Variants in DOCK5 observed in about 807,000 individuals in gnomAD.
DOCK5 encodes the protein dedicator of cytokinesis 5, also known as dedicator of cytokinesis protein 5.
In DOCK5, 142 loss-of-function variants were observed where a neutral mutation model predicts 251.8. The observed-to-expected ratio is 0.56, with a 90% CI of 0.49 to 0.65. The LOEUF (loss-of-function observed/expected upper bound fraction) is 0.65. Ranked by LOEUF, DOCK5 falls within the 30% of genes least tolerant of loss-of-function variation. The probability of loss-of-function intolerance (pLI) is 0.00; values close to 1 mark genes in which losing one functional copy is unlikely to be tolerated. For synonymous variants in DOCK5, 842 were observed against 835.5 expected (o/e 1.01, Z -0.13); for missense variants, 2,111 against 2,312.3 (o/e 0.91, Z 1.79).
chr8:25,339,517 A>G (rs1404846628), intron 22 of DOCK5, among the ~76,000 whole-genome samples: 17 of 152,166 alleles, frequency 1.1e-4, no homozygotes, highest in Non-Finnish European at 1.5e-5. Flanking sequence ...TGGTGGAACC[A>G]GCAGGGAAGG....
intron 1 of DOCK5, among the ~76,000 whole-genome samples, chr8:25,243,265 G>A (rs1379228523): frequency 1.3e-5 from 2 of 151,940 alleles, no homozygotes; most frequent in Non-Finnish European, 2.9e-5. Flanking sequence ...TTTACAGTGG[G>A]CAATTCACAT....
intron 25 of DOCK5, among the ~76,000 whole-genome samples, chr8:25,344,990 T>A (rs1003492576): frequency 1.3e-5 from 2 of 152,182 alleles, no homozygotes; most frequent in African/African-American, 2.4e-5. Context: ...TCCACACGCC[T>A]GCACAGACAT....
intron 2 of DOCK5, among the ~76,000 whole-genome samples, chr8:25,245,091 CTG>C (rs1803063987): frequency 6.6e-6 from 1 of 152,232 alleles, no homozygotes; most frequent in Admixed American, 6.5e-5. Flanking sequence ...GAGTCTCGCT[CTG>C]TCGCCCAGGC....
intron 40 of DOCK5, among the ~76,000 whole-genome samples, chr8:25,385,685 C>G (rs1341843641): frequency 1.3e-5 from 2 of 152,024 alleles, no homozygotes; most frequent in Non-Finnish European, 2.9e-5. Flanking sequence ...GCTTATGTTC[C>G]AGCTTGGAGA....
intron 1 of DOCK5, among the ~76,000 whole-genome samples, chr8:25,225,883 G>C (rs1024901263): frequency 6.6e-6 from 1 of 152,150 alleles, no homozygotes; most frequent in Admixed American, 6.5e-5. Context: ...ACCAGGGGGT[G>C]GGAGTCTGGA....
At chr8:25,316,850 G>A (rs1805264650) in intron 13 of DOCK5, among the ~76,000 whole-genome samples, 157 bp from the exon 14 acceptor site, 1 of 152,186 alleles carries the variant, frequency 6.6e-6, no homozygotes, top group Non-Finnish European at 1.5e-5. Flanking sequence ...GTGATAAGCT[G>A]AAGACAGCAA....
Position 25,184,899 on chromosome 8 carries a change from G to C in DOCK5, c.-10G>C. Reference sequence around the variant, plus strand: ...CTTAGTCGCCGCCGCCGCGGGGCGAGGTCGCCGCCATGGCCCGCTGGATCC... The same window carrying C: ...CTTAGTCGCCGCCGCCGCGGGGCGACGTCGCCGCCATGGCCCGCTGGATCC... On this transcript the variant is annotated 5_prime_UTR_variant, in exon 1 of 52. Transcript: ENST00000276440. 7.1e-6 allele frequency: 10 copies of C among 1,407,400 alleles called. No individual in the cohort carries two copies. Among genetic ancestry groups the C allele is most frequent in the Non-Finnish European group, 8.4e-6 (9 of 1,072,698 alleles). 87.2% of individuals were successfully genotyped at this position (1,407,400 alleles called of 1,614,324 possible). A position where few individuals can be genotyped will look rare whatever the true frequency, so the allele number is the denominator to read the frequency against.
intron 1 of DOCK5, among the ~76,000 whole-genome samples, chr8:25,226,886 CT>C (rs1802548417): frequency 6.6e-6 from 1 of 152,126 alleles, no homozygotes; most frequent in Non-Finnish European, 1.5e-5. Flanking sequence ...CACCCGGCTC[CT>C]CCATGTTTTA....
At chr8:25,191,634 A>G (rs1186565503) in intron 1 of DOCK5, among the ~76,000 whole-genome samples, 1 of 152,146 alleles carries the variant, frequency 6.6e-6, no homozygotes, top group African/African-American at 2.4e-5. Flanking sequence ...CTGTTATTTC[A>G]TTAAATCATT....
At chr8:25,239,037 A>G (rs563232579) in intron 1 of DOCK5, among the ~76,000 whole-genome samples, 1 of 152,324 alleles carries the variant, frequency 6.6e-6, no homozygotes, top group Admixed American at 6.5e-5. Context: ...AGATCCACGC[A>G]GGTAATCGGG....
chr8:25,334,331 C>T (rs762343735), intron 21 of DOCK5, 135 bp downstream of exon 21: 18 of 706,312 alleles, frequency 2.5e-5, no homozygotes, highest in Non-Finnish European at 4.3e-5. Context: ...TTATTCTAAG[C>T]TTCCGGGTGG....
At chr8:25,406,002 A>T (rs1486871322) in intron 48 of DOCK5, among the ~76,000 whole-genome samples, 2 of 152,136 alleles carry the variant, frequency 1.3e-5, no homozygotes, top group Non-Finnish European at 2.9e-5. Flanking sequence ...TCTGTCACCC[A>T]GGCTGGAGTG....
chr8:25,219,173 T>C (rs1802321470), intron 1 of DOCK5, among the ~76,000 whole-genome samples: 1 of 152,222 alleles, frequency 6.6e-6, no homozygotes, highest in Non-Finnish European at 1.5e-5. Flanking sequence ...TAAATTCACA[T>C]TCCATGTTTA....
intron 26 of DOCK5, among the ~76,000 whole-genome samples, chr8:25,346,085 C>G (rs1409763919): frequency 6.6e-6 from 1 of 152,118 alleles, no homozygotes; most frequent in Non-Finnish European, 1.5e-5. Flanking sequence ...CTCCTGACCT[C>G]GTGATCCACC....
rs374907211 is a variant in DOCK5 at position 25,236,207 on chromosome 8, A to G, written c.44-7467A>G. ...ATCCTGTAAGAGCCTGCTCTTATGGAGTACTGTTGGTGAGAAGTAGAGCTG... is the reference window on the plus strand; with the variant it reads ...ATCCTGTAAGAGCCTGCTCTTATGGGGTACTGTTGGTGAGAAGTAGAGCTG... On this transcript the variant is annotated intron_variant, in intron 1 of 51. Coordinates refer to ENST00000276440, the MANE Select transcript of DOCK5 (RefSeq NM_024940.8). 2.0e-5 allele frequency among the ~76,000 whole-genome samples: 3 copies of G among 152,292 alleles called. No homozygotes were observed. The South Asian group carries it at 6.2e-4, about 32-fold the overall frequency.
At chr8:25,254,078 G>C (rs1803347083) in intron 2 of DOCK5, among the ~76,000 whole-genome samples, 1 of 152,130 alleles carries the variant, frequency 6.6e-6, no homozygotes, top group Admixed American at 6.5e-5. Context: ...CTCACAAATA[G>C]ACCCACACAA....
rs554564296 is a variant in DOCK5 at position 25,282,166 on chromosome 8, G to A, written c.321+3501G>A. On this transcript the variant is annotated intron_variant, in intron 5 of 51. Coordinates refer to ENST00000276440, the MANE Select transcript of DOCK5 (RefSeq NM_024940.8). ...TGCAAAAGTAATTGTGGCTTTCACC[G>A]TTACTTTAAATGGCAAAACCCACAA... 3.2e-3 allele frequency among the ~76,000 whole-genome samples: 478 copies of A among 151,352 alleles called. 2 individuals are homozygous for A. Among genetic ancestry groups the A allele is most frequent in the Non-Finnish European group, 3.9e-3 (266 of 67,926 alleles).
At chr8:25,296,774 G>C in intron 7 of DOCK5, 126 bp downstream of exon 7, 1 of 1,216,760 alleles carries the variant, frequency 8.2e-7, no homozygotes, top group Non-Finnish European at 1.1e-6. Context: ...TTTTAAAAGT[G>C]AAACATAGCA....
chr8:25,290,493 G>C (rs1804457598), intron 5 of DOCK5, among the ~76,000 whole-genome samples: 1 of 152,182 alleles, frequency 6.6e-6, no homozygotes, highest in African/African-American at 2.4e-5. Flanking sequence ...TGATTAGTTA[G>C]TTGTAAGGTA....
Sources: allele counts gnomAD v4.1 joint callset (sites outside exome capture counted in the v4.1 genomes callset), GRCh38; gene constraint gnomAD v4.1.1; transcripts MANE v1.5; gene names NCBI Gene and HGNC (gene_info 2026-07-23, HGNC 2026-07-21).